ADGRB3: variants seen among roughly 807,000 people sequenced by gnomAD.
ADGRB3 encodes the protein adhesion G protein-coupled receptor B3, also known as brain-specific angiogenesis inhibitor 3.
ADGRB3 carries 37 observed loss-of-function variants against 193.4 expected under a neutral mutation model. The observed-to-expected ratio is 0.19, with a 90% CI of 0.15 to 0.25. The LOEUF is 0.25. Ranked by LOEUF, ADGRB3 falls within the 10% of genes least tolerant of loss-of-function variation. ADGRB3 has a pLI of 1.00. For synonymous variants in ADGRB3, 690 were observed against 644.2 expected, an observed-to-expected ratio of 1.07 and a Z score of -1.08; for missense variants, 1,637 against 1,852.9, an observed-to-expected ratio of 0.88 and a Z score of 2.14.
At chr6:69,249,635 T>C (rs1444306819) in intron 20 of ADGRB3, among the ~76,000 whole-genome samples, 1 of 152,162 alleles carries the variant, frequency 6.6e-6, no homozygotes, top group Non-Finnish European at 1.5e-5. Flanking sequence ...GACAGAGTTC[T>C]CTTTTTACCT....
At chr6:69,048,874 A>G (rs1266595148) in intron 14 of ADGRB3, among the ~76,000 whole-genome samples, 1 of 152,180 alleles carries the variant, frequency 6.6e-6, no homozygotes, top group African/African-American at 2.4e-5. Context: ...GAAAAAATTA[A>G]GTTTTTAGAA....
chr6:69,338,009 T>G (rs1483472863), intron 24 of ADGRB3, among the ~76,000 whole-genome samples: 2 of 152,234 alleles, frequency 1.3e-5, no homozygotes, highest in Non-Finnish European at 2.9e-5. Context: ...AAGTAATTTC[T>G]TTTTGGTTTT....
At chr6:69,282,091 G>A (rs1561975814) in intron 20 of ADGRB3, among the ~76,000 whole-genome samples, 1 of 152,140 alleles carries the variant, frequency 6.6e-6, no homozygotes, top group Non-Finnish European at 1.5e-5. Flanking sequence ...ATGAAAAGGT[G>A]TTCCCCTCCC....
intron 30 of ADGRB3, among the ~76,000 whole-genome samples, chr6:69,375,807 G>C (rs1769804528): frequency 1.3e-5 from 2 of 152,086 alleles, no homozygotes; most frequent in South Asian, 4.1e-4. Flanking sequence ...GCTGGGCATG[G>C]CAGTGCATAC....
At chr6:68,740,606 T>C (rs1487096173) in intron 3 of ADGRB3, among the ~76,000 whole-genome samples, 1 of 152,194 alleles carries the variant, frequency 6.6e-6, no homozygotes, top group African/African-American at 2.4e-5. Flanking sequence ...ATATATTTCA[T>C]AGGAATCATG....
chr6:68,704,908 G>T (rs549788590), intron 3 of ADGRB3, among the ~76,000 whole-genome samples: 3 of 152,022 alleles, frequency 2.0e-5, no homozygotes, highest in Admixed American at 6.6e-5. Context: ...TTTTAATTAC[G>T]CTTTAAACAT....
At chr6:68,870,810 A>C (rs1428579789) in intron 3 of ADGRB3, among the ~76,000 whole-genome samples, 11 of 152,170 alleles carry the variant, frequency 7.2e-5, no homozygotes, top group Non-Finnish European at 1.6e-4. Flanking sequence ...TAGACCAGTA[A>C]ATATCTGTGA....
At chr6:69,379,891 G>A (rs1218632542) in intron 30 of ADGRB3, among the ~76,000 whole-genome samples, 1 of 151,928 alleles carries the variant, frequency 6.6e-6, no homozygotes, top group Non-Finnish European at 1.5e-5. Flanking sequence ...TTTTTCATTT[G>A]TTTCCATATT....
intron 17 of ADGRB3, among the ~76,000 whole-genome samples, chr6:69,227,287 C>T (rs971564): frequency 0.14 from 21,537 of 152,038 alleles, 1,589 homozygotes; most frequent in Middle Eastern, 0.16. Flanking sequence ...ATGTGGGAAG[C>T]CAATGAGAGA....
chr6:68,885,986 A>G (rs1475915862), intron 3 of ADGRB3, among the ~76,000 whole-genome samples: 1 of 152,140 alleles, frequency 6.6e-6, no homozygotes, highest in African/African-American at 2.4e-5. Flanking sequence ...ACACAAAACA[A>G]AAAGACAAGA....
At chr6:68,883,008 C>T (rs1025461760) in intron 3 of ADGRB3, among the ~76,000 whole-genome samples, 4 of 152,072 alleles carry the variant, frequency 2.6e-5, no homozygotes, top group Admixed American at 6.5e-5. Context: ...ATTCTCCTGC[C>T]TCAGCCTCCG....
intron 3 of ADGRB3, among the ~76,000 whole-genome samples, chr6:68,662,650 C>G (rs1768693404): frequency 6.6e-6 from 1 of 151,290 alleles, no homozygotes; most frequent in Admixed American, 6.6e-5. Context: ...GAGTATATCT[C>G]AAAACAGTAT....
intron 3 of ADGRB3, among the ~76,000 whole-genome samples, chr6:68,737,107 A>C (rs1479026045): frequency 6.6e-6 from 1 of 152,138 alleles, no homozygotes; most frequent in Non-Finnish European, 1.5e-5. Context: ...GTATTATAAA[A>C]ATGTTAAGAA....
chr6:69,142,540 T>G (rs1313452728), intron 17 of ADGRB3, among the ~76,000 whole-genome samples: 1 of 152,174 alleles, frequency 6.6e-6, no homozygotes, highest in Non-Finnish European at 1.5e-5. Context: ...TGACCAGCTG[T>G]CTTGCAAATT....
intron 3 of ADGRB3, among the ~76,000 whole-genome samples, chr6:68,882,783 C>T (rs1158018171): frequency 6.6e-6 from 1 of 152,130 alleles, no homozygotes; most frequent in Non-Finnish European, 1.5e-5. Flanking sequence ...CTAAAAAGCC[C>T]TTCTGAAATA....
At chr6:68,922,490 C>T (rs1767071022) in intron 3 of ADGRB3, among the ~76,000 whole-genome samples, 1 of 152,246 alleles carries the variant, frequency 6.6e-6, no homozygotes, top group African/African-American at 2.4e-5. Flanking sequence ...TCTTATGTTA[C>T]TCAGACTCGT....
At chr6:69,124,493 C>T (rs908513723) in intron 17 of ADGRB3, among the ~76,000 whole-genome samples, 10 of 152,230 alleles carry the variant, frequency 6.6e-5, no homozygotes, top group East Asian at 5.8e-4. Context: ...TGTGATTCTT[C>T]GTCTAGAAAA....
intron 15 of ADGRB3, among the ~76,000 whole-genome samples, chr6:69,060,365 C>T (rs1009888898): frequency 2.0e-5 from 3 of 151,762 alleles, no homozygotes; most frequent in Non-Finnish European, 4.4e-5. Flanking sequence ...TGTAATATAC[C>T]CTGCAGAAGG....
At chr6:69,388,588 C>T (rs999822885) in intron 31 of ADGRB3, 115 bp from the exon 32 acceptor site, 3 of 998,674 alleles carry the variant, frequency 3.0e-6, no homozygotes, top group Non-Finnish European at 2.9e-6. Flanking sequence ...TTCAAGTCAT[C>T]TCTGCATCAC....
Sources: allele counts gnomAD v4.1 joint callset (sites outside exome capture counted in the v4.1 genomes callset), GRCh38; gene constraint gnomAD v4.1.1; transcripts MANE v1.5; gene names NCBI Gene and HGNC (gene_info 2026-07-23, HGNC 2026-07-21).